Variants in ALK observed in about 807,000 individuals in gnomAD.
ALK encodes ALK tyrosine kinase receptor.
A neutral mutation model predicts 163.1 loss-of-function variants in ALK; 74 were observed. The observed-to-expected ratio is 0.45, with a 90% CI of 0.38 to 0.55. The LOEUF (loss-of-function observed/expected upper bound fraction) is 0.55, where lower values mean the gene tolerates loss of function less well. Ranked by LOEUF, ALK falls within the 20% of genes least tolerant of loss-of-function variation. The pLI is 0.00. For missense variants in ALK, 2,063 were observed against 2,105.3 expected, an observed-to-expected ratio of 0.98 and a Z score of 0.39; for synonymous variants, 960 against 843.2, an observed-to-expected ratio of 1.14 and a Z score of -2.40.
intron 4 of ALK, among the ~76,000 whole-genome samples, chr2:29,446,804 G>C (rs984567057): frequency 6.6e-6 from 1 of 152,184 alleles, no homozygotes; most frequent in Non-Finnish European, 1.5e-5. Context: ...GCCAAAGGCT[G>C]TCTGTATCTT....
chr2:29,707,337 C>G (rs112880022), intron 2 of ALK, among the ~76,000 whole-genome samples: 1 of 151,946 alleles, frequency 6.6e-6, no homozygotes, highest in Non-Finnish European at 1.5e-5. Flanking sequence ...CAGGAAGGTA[C>G]CAGACTGCCC....
At chr2:29,385,435 C>G (rs529380765) in intron 4 of ALK, among the ~76,000 whole-genome samples, 2 of 147,990 alleles carry the variant, frequency 1.4e-5, no homozygotes, top group Non-Finnish European at 3.0e-5. Flanking sequence ...ATGGTCCAGA[C>G]TGGAGTGCAG....
chr2:29,894,847 CACACAA>C (rs370266237), intron 1 of ALK, among the ~76,000 whole-genome samples: 3,720 of 141,474 alleles, frequency 0.026, 149 homozygotes, highest in African/African-American at 0.092. Flanking sequence ...CACACACACA[CACACAA>C]ACACACACAC....
intron 4 of ALK, among the ~76,000 whole-genome samples, chr2:29,437,509 CTG>C (rs769792127): frequency 5.0e-4 from 76 of 152,320 alleles, no homozygotes; most frequent in Middle Eastern, 3.4e-3. Flanking sequence ...GATAAGATCA[CTG>C]TGTTACCTCC....
At chr2:29,620,363 A>G (rs746278787) in intron 3 of ALK, among the ~76,000 whole-genome samples, 42 of 152,118 alleles carry the variant, frequency 2.8e-4, no homozygotes, top group Non-Finnish European at 2.4e-4. Flanking sequence ...TCCACCTCTT[A>G]TAAGGATCTA....
chr2:29,328,548 G>T (rs1667344688), intron 5 of ALK, 67 bp from the exon 6 acceptor site: 1 of 1,609,284 alleles, frequency 6.2e-7, no homozygotes, highest in Non-Finnish European at 8.5e-7. Flanking sequence ...TGGCCTGATG[G>T]GTTGGTCCCA....
At chr2:29,638,748 T>G (rs952823896) in intron 3 of ALK, among the ~76,000 whole-genome samples, 4 of 152,112 alleles carry the variant, frequency 2.6e-5, no homozygotes, top group African/African-American at 9.7e-5. Flanking sequence ...ATCTGCCTAT[T>G]TGGGATCAGA....
intron 4 of ALK, among the ~76,000 whole-genome samples, chr2:29,396,460 G>A (rs11127222): frequency 0.31 from 47,339 of 151,756 alleles, 7,879 homozygotes; most frequent in East Asian, 0.51. Flanking sequence ...CGGATCACGA[G>A]GTCAGGAGTT....
chr2:29,783,934 T>C (rs1240933056), intron 1 of ALK, among the ~76,000 whole-genome samples: 1 of 152,282 alleles, frequency 6.6e-6, no homozygotes, highest in South Asian at 2.1e-4. Context: ...TCCCTGGGCA[T>C]CAGTTGTCTC....
rs746971341 is a variant in ALK, at chr2:29,227,703, T to TG, written c.2816-32dup. 2 of 1,584,400 alleles carry TG rather than the reference T, an allele frequency of 1.3e-6. No homozygotes were observed. The highest frequency in any genetic ancestry group is 1.1e-5 in the South Asian group (1 of 90,448). ...TAGCAAACCAGAGCAGAGTTTAACA[T>TG]GGGGGGTGGGTGCCAAAATCTTAAC... On this transcript the variant is annotated intron_variant, in intron 16 of 28. Coordinates refer to ENST00000389048, the MANE Select transcript of ALK (RefSeq NM_004304.5). The surrounding 1 kb of genome is among the most constrained non-coding windows in gnomAD (Gnocchi z 4.4).
chr2:29,511,688 C>T (rs1341175549), intron 4 of ALK, among the ~76,000 whole-genome samples: 1 of 152,112 alleles, frequency 6.6e-6, no homozygotes, highest in Non-Finnish European at 1.5e-5. Context: ...GTATGGTAGG[C>T]ATATGTCTAG....
At chr2:29,283,106 A>T (rs1341436308) in intron 9 of ALK, among the ~76,000 whole-genome samples, 2 of 152,200 alleles carry the variant, frequency 1.3e-5, no homozygotes, top group African/African-American at 4.8e-5. Context: ...GTCAAATGCC[A>T]AGTGCCCTAG....
intron 1 of ALK, among the ~76,000 whole-genome samples, chr2:29,865,795 G>A (rs1261438027): frequency 6.6e-6 from 1 of 152,192 alleles, no homozygotes; most frequent in African/African-American, 2.4e-5. Context: ...CTGACACATA[G>A]TTAGCACTCC....
At chr2:29,831,398 A>G (rs913796353) in intron 1 of ALK, among the ~76,000 whole-genome samples, 63 of 151,698 alleles carry the variant, frequency 4.2e-4, no homozygotes, top group Admixed American at 6.6e-4. Context: ...GGAGTTCTGG[A>G]TATATATTAC....
intron 3 of ALK, among the ~76,000 whole-genome samples, chr2:29,546,093 C>T (rs1017383273): frequency 4.7e-4 from 72 of 152,064 alleles, no homozygotes; most frequent in African/African-American, 1.5e-3. Context: ...CACATATGTA[C>T]GGATGTATAT....
At chr2:29,700,436 T>C (rs1678699018) in intron 2 of ALK, among the ~76,000 whole-genome samples, 1 of 151,886 alleles carries the variant, frequency 6.6e-6, no homozygotes, top group East Asian at 1.9e-4. Context: ...CCCAGCTACT[T>C]GGGAGGCTGA....
chr2:29,287,077 A>G (rs1665877729), intron 9 of ALK, among the ~76,000 whole-genome samples: 1 of 152,206 alleles, frequency 6.6e-6, no homozygotes, highest in African/African-American at 2.4e-5. Context: ...TTTGAGAAAC[A>G]TGGTGCATTG....
At chr2:29,750,754 A>G (rs1680342772) in intron 1 of ALK, among the ~76,000 whole-genome samples, 1 of 151,528 alleles carries the variant, frequency 6.6e-6, no homozygotes. Context: ...GGAGGGAAAG[A>G]GAGAAAGAGA....
chr2:29,629,077 A>C (rs1477453198), intron 3 of ALK, among the ~76,000 whole-genome samples: 2 of 152,146 alleles, frequency 1.3e-5, no homozygotes, highest in Non-Finnish European at 2.9e-5. Context: ...TTGAAGAGGA[A>C]ACATGGCGCT....
Sources: gnomAD v4.1 joint callset for allele counts (sites outside exome capture counted in the v4.1 genomes callset) on GRCh38, gnomAD v4.1.1 for gene constraint, Gnocchi (gnomAD v3.1) non-coding constraint, MANE v1.5 for transcripts, NCBI Gene and HGNC (gene_info 2026-07-23, HGNC 2026-07-21) for gene names.